FNBP1: variants seen among roughly 807,000 people sequenced by gnomAD.
FNBP1 encodes the protein formin binding protein 1.
In FNBP1, 26 loss-of-function variants were observed where a neutral mutation model predicts 90.6. The observed-to-expected ratio is 0.29, with a 90% confidence interval of 0.21 to 0.40. The LOEUF is 0.40. FNBP1 is among the 10% of genes least tolerant of loss of function. FNBP1 has a pLI of 1.00. For missense variants in FNBP1, 635 were observed against 768.0 expected, an observed-to-expected ratio of 0.83 and a Z score of 2.05; for synonymous variants, 260 against 265.2, an observed-to-expected ratio of 0.98 and a Z score of 0.19.
rs2034993450 is a variant in FNBP1, at chr9:129,890,463, G to A, written c.*76C>T. ...AGGGGTGGGCTGTCCACAGGGCAGGGCGCTGGAGGCCTGTGGGAACAAGCA... is the reference window on the plus strand; with the variant it reads ...AGGGGTGGGCTGTCCACAGGGCAGGACGCTGGAGGCCTGTGGGAACAAGCA... On this transcript the variant is annotated 3_prime_UTR_variant, in exon 17 of 17. Transcript: ENST00000446176. This position sits in a 1 kb window ranked among gnomAD's most constrained non-coding sequence, Gnocchi z 5.8. 5 of 1,264,308 alleles carry A rather than the reference G, an allele frequency of 4.0e-6. No individual in the cohort carries two copies. In the South Asian group the frequency reaches 6.4e-5, roughly 16 times the overall value. The allele number at this position is 1,264,308 out of a possible 1,614,324, so 78.3% of individuals were successfully genotyped here. A position where few individuals can be genotyped will look rare whatever the true frequency, so the allele number is the denominator to read the frequency against.
Position 129,887,631 on chromosome 9 carries a change from A to T in FNBP1, c.*2908T>A. On this transcript the variant is annotated 3_prime_UTR_variant, in exon 17 of 17. Transcript: ENST00000446176. ...AAGCCGCAGGCTTATCTCCACGGTGAGCAGGATAAAAACCCCCAAGGAACA... is the reference window on the plus strand; with the variant it reads ...AAGCCGCAGGCTTATCTCCACGGTGTGCAGGATAAAAACCCCCAAGGAACA... 1 of 218,106 alleles carries T rather than the reference A, an allele frequency of 4.6e-6. No homozygotes were observed. The highest frequency in any genetic ancestry group is 6.8e-5 in the East Asian group (1 of 14,772). 13.5% of individuals were successfully genotyped at this position (218,106 alleles called of 1,614,324 possible). A position where few individuals can be genotyped will look rare whatever the true frequency, so the allele number is the denominator to read the frequency against.
chr9:130,007,211 C>T (rs2055846191), intron 1 of FNBP1, among the ~76,000 whole-genome samples: 1 of 126,494 alleles, frequency 7.9e-6, no homozygotes, highest in Non-Finnish European at 1.6e-5. Flanking sequence ...CACTGCATTC[C>T]AGCCTGGGCA....
chr9:130,025,566 A>G (rs1460869605), intron 1 of FNBP1, among the ~76,000 whole-genome samples: 1 of 152,192 alleles, frequency 6.6e-6, no homozygotes, highest in African/African-American at 2.4e-5. Flanking sequence ...TACCAAATTC[A>G]TTGATCACGT....
intron 1 of FNBP1, among the ~76,000 whole-genome samples, chr9:130,013,133 C>G (rs2056835860): frequency 6.6e-6 from 1 of 151,916 alleles, no homozygotes; most frequent in African/African-American, 2.4e-5. Flanking sequence ...AGATAGCACT[C>G]CTTCAATTGT....
chr9:129,952,269 G>A (rs576259532), intron 6 of FNBP1, among the ~76,000 whole-genome samples: 1 of 151,968 alleles, frequency 6.6e-6, no homozygotes, highest in East Asian at 1.9e-4. Context: ...GGAGGCTGAG[G>A]TGGGCAGATT....
chr9:129,988,234 A>G (rs547620534), intron 2 of FNBP1, among the ~76,000 whole-genome samples: 1 of 152,184 alleles, frequency 6.6e-6, no homozygotes, highest in East Asian at 1.9e-4. Flanking sequence ...ACTGCACTCC[A>G]GCCTGGGTGA....
At chr9:129,912,481 G>A (rs2039480002) in intron 11 of FNBP1, among the ~76,000 whole-genome samples, 1 of 151,466 alleles carries the variant, frequency 6.6e-6, no homozygotes, top group South Asian at 2.1e-4. Context: ...CTGAGGTCGG[G>A]AGTTTGAGAC....
chr9:130,050,261 T>C, the FNBP1 span, among the ~76,000 whole-genome samples: 1 of 152,108 alleles, frequency 6.6e-6, no homozygotes, highest in Non-Finnish European at 1.5e-5. Flanking sequence ...AAAACTGCAA[T>C]GAATTTTTAC....
intron 2 of FNBP1, among the ~76,000 whole-genome samples, chr9:129,983,261 T>C (rs2051578221): frequency 6.6e-6 from 1 of 152,180 alleles, no homozygotes; most frequent in Non-Finnish European, 1.5e-5. Flanking sequence ...GTAGGTGATA[T>C]ACTGAAAAGA....
At chr9:129,895,356 T>C in intron 16 of FNBP1, 1 of 1,071,928 alleles carries the variant, frequency 9.3e-7, no homozygotes, top group Non-Finnish European at 1.1e-6. Flanking sequence ...AGTATACAAT[T>C]TAACAAACTA....
At chr9:130,033,428 C>T (rs2058983053) in intron 1 of FNBP1, among the ~76,000 whole-genome samples, 1 of 152,216 alleles carries the variant, frequency 6.6e-6, no homozygotes, top group Non-Finnish European at 1.5e-5. Context: ...TCAATTTTGG[C>T]TGTGCAAATA....
chr9:129,986,560 G>A (rs1036230238), intron 2 of FNBP1, among the ~76,000 whole-genome samples: 9 of 152,182 alleles, frequency 5.9e-5, no homozygotes, highest in Non-Finnish European at 1.3e-4. Context: ...GGGAGGCCGA[G>A]GTGGGCGGAT....
At position 129,950,206 on chromosome 9, in the gene FNBP1, G is replaced by A. The variant is rs142545929; in HGVS notation, c.513+7154C>T. Among the ~76,000 whole-genome samples, 206 of 152,312 alleles carry A rather than the reference G, an allele frequency of 1.4e-3. 1 individual carries two copies. Among genetic ancestry groups the A allele is most frequent in the African/African-American group, 4.7e-3 (194 of 41,576 alleles). On this transcript the variant is annotated intron_variant, in intron 6 of 16. Transcript: ENST00000446176. ...TGACAGAACAGTCAAAGTACTGGGT[G>A]TTTTGGGAAATTACAGTGTTTCAAG...
the FNBP1 span, among the ~76,000 whole-genome samples, chr9:130,049,716 TA>T: frequency 6.6e-6 from 1 of 151,482 alleles, no homozygotes; most frequent in African/African-American, 2.4e-5. Flanking sequence ...AAAATAAAAA[TA>T]AAAATAAAAA....
At chr9:129,946,613 A>G (rs758873728) in intron 6 of FNBP1, among the ~76,000 whole-genome samples, 2 of 152,378 alleles carry the variant, frequency 1.3e-5, no homozygotes, top group Non-Finnish European at 2.9e-5. Context: ...TAGCAGAAAA[A>G]GAACCATACA....
At chr9:129,995,939 A>G (rs1167806535) in intron 1 of FNBP1, among the ~76,000 whole-genome samples, 1 of 152,186 alleles carries the variant, frequency 6.6e-6, no homozygotes, top group African/African-American at 2.4e-5. Context: ...AACAGTCTAG[A>G]TGAGACAAAA....
At chr9:129,990,632 A>G (rs1291751638) in intron 2 of FNBP1, among the ~76,000 whole-genome samples, 5 of 152,174 alleles carry the variant, frequency 3.3e-5, no homozygotes, top group African/African-American at 1.2e-4. Flanking sequence ...CTCTGAATGA[A>G]ATGGGGACGC....
chr9:129,943,384 CTTTTTTTTTT>C (rs11415197), intron 6 of FNBP1, among the ~76,000 whole-genome samples: 3 of 102,656 alleles, frequency 2.9e-5, no homozygotes, highest in Admixed American at 1.3e-4. Context: ...TCATTAATTG[CTTTTTTTTTT>C]TTTTTTTTTG....
intron 11 of FNBP1, among the ~76,000 whole-genome samples, chr9:129,910,504 A>AAAAC (rs1298095363): frequency 9.6e-6 from 1 of 104,058 alleles, no homozygotes; most frequent in African/African-American, 3.5e-5. Flanking sequence ...AAAAAAAAAA[A>AAAAC]AGAGAGAGAG....
Sources: gnomAD v4.1 joint callset for allele counts (sites outside exome capture counted in the v4.1 genomes callset) on GRCh38, gnomAD v4.1.1 for gene constraint, Gnocchi (gnomAD v3.1) non-coding constraint, MANE v1.5 for transcripts, NCBI Gene and HGNC (gene_info 2026-07-23, HGNC 2026-07-21) for gene names.